MPDZ: variants seen among roughly 807,000 people sequenced by gnomAD.
MPDZ encodes multiple PDZ domain protein.
In MPDZ, 234 loss-of-function variants were observed where a neutral mutation model predicts 239.1. The ratio of observed to expected loss-of-function variants is 0.98; its 90% confidence interval spans 0.88 to 1.09. MPDZ has a LOEUF of 1.09. Among genes scored for constraint, MPDZ ranks in the 50% least tolerant of loss-of-function variants. MPDZ has a pLI of 0.00. For synonymous variants in MPDZ, 1,048 were observed against 881.3 expected (o/e 1.19, Z -3.35); for missense variants, 3,175 against 2,510.0 (o/e 1.26, Z -5.66).
intron 21 of MPDZ, among the ~76,000 whole-genome samples, chr9:13,172,074 C>T (rs756603535): frequency 2.6e-5 from 4 of 152,258 alleles, no homozygotes; most frequent in South Asian, 2.1e-4. Context: ...GATTCCTTTA[C>T]ATTTAGTTAT....
In MPDZ at chr9:13,113,022, CG is replaced by C; in HGVS notation, c.5589del (p.Glu1864LysfsTer2). On this transcript the variant is annotated frameshift_variant, in exon 42 of 47. Coordinates refer to ENST00000319217, the MANE Select transcript of MPDZ (RefSeq NM_001378778.1). LOFTEE classifies it high-confidence loss of function. ...LASEIQGLRTVEMKKGPTDSL... is the reference protein window; with the variant it reads ...LASEIQGLRTXEMKKGPTDSL... ...TCTCCCCAAGTTACCTTTTTCATTT[CG>C]ACTGTTCTTAATCCCTGTATTTCAG... is the stretch of plus-strand genomic sequence containing the variant. The C allele has an allele frequency of 6.3e-7, 1 of 1,585,406 alleles. No individual in the cohort carries two copies. Among genetic ancestry groups the C allele is most frequent in the Non-Finnish European group, 8.6e-7 (1 of 1,163,610 alleles).
chr9:13,164,145 TC>T (rs1950783898), intron 22 of MPDZ, among the ~76,000 whole-genome samples: 1 of 152,204 alleles, frequency 6.6e-6, no homozygotes, highest in Admixed American at 6.6e-5. Flanking sequence ...ACATGGGGCC[TC>T]TGGGAATCTC....
chr9:13,207,139 C>G (rs1234512559), intron 10 of MPDZ, among the ~76,000 whole-genome samples: 2 of 151,770 alleles, frequency 1.3e-5, no homozygotes, highest in African/African-American at 4.8e-5. Context: ...TATGGCCTTT[C>G]AAAAAAGAAA....
At chr9:13,224,219 C>T (rs531241379) in intron 4 of MPDZ, among the ~76,000 whole-genome samples, 155 bp downstream of exon 4, 1 of 151,960 alleles carries the variant, frequency 6.6e-6, no homozygotes, top group East Asian at 1.9e-4. Flanking sequence ...TAATAGAAAA[C>T]GTCTGAACCA....
intron 31 of MPDZ, chr9:13,134,875 C>T (rs1254915880): frequency 3.3e-5 from 5 of 152,350 alleles, no homozygotes; most frequent in Non-Finnish European, 7.3e-5. Context: ...TTCTCCGCTG[C>T]TCTGCCACAT....
At position 13,224,469 on chromosome 9, in the gene MPDZ, C is replaced by T. The variant is rs1270799151; in HGVS notation, c.298G>A (p.Gly100Arg). ...GGTCCTGTAAGTGCTTCCAGATTCC[C>T]ATTGTTTGGGGATAATAAAAACGAT... ...NESFLLSPNN[G>R]NLEALTGPGI... The change falls in exon 4 of 47, where the codon GGG becomes AGG. Residue 100 changes from glycine to arginine, a missense_variant. Physicochemically the swap from Gly to Arg is moderately radical, Grantham distance 125. Coordinates refer to ENST00000319217, the MANE Select transcript of MPDZ (RefSeq NM_001378778.1). 6.2e-7 allele frequency: 1 copy of T among 1,612,874 alleles called. No individual in the cohort carries two copies. The highest frequency in any genetic ancestry group is 2.2e-5 in the East Asian group (1 of 44,800).
chr9:13,170,473 G>A (rs1027873506), intron 21 of MPDZ, among the ~76,000 whole-genome samples: 11 of 152,086 alleles, frequency 7.2e-5, no homozygotes, highest in Admixed American at 2.6e-4. Context: ...ATAAGATACC[G>A]TTTCGGGTGA....
intron 1 of MPDZ, among the ~76,000 whole-genome samples, chr9:13,268,895 GTACAGGGAT>G (rs1306522982): frequency 5.9e-5 from 9 of 152,134 alleles, no homozygotes; most frequent in Non-Finnish European, 2.9e-5. Flanking sequence ...AGTTTGGAGG[GTACAGGGAT>G]TACAGGGATA....
Position 13,221,494 on chromosome 9 carries a change from A to G in MPDZ, c.754T>C (p.Trp252Arg). Reference sequence around the variant, plus strand: ...AATTCAATCGTTTCCATGTGTTGCCAGTGAACCTACAAACAAAGCTCATAT... The same window carrying G: ...AATTCAATCGTTTCCATGTGTTGCCGGTGAACCTACAAACAAAGCTCATAT... ...TISAHSNPVH[W>R]QHMETIELVN... The change falls in exon 7 of 47, where the codon TGG becomes CGG. Residue 252 changes from tryptophan (W) to arginine (R), a missense_variant. Physicochemically the swap from Trp to Arg is moderately radical, Grantham distance 101. Transcript: ENST00000319217. 3.7e-6 allele frequency: 6 copies of G among 1,610,208 alleles called. No individual in the cohort carries two copies. The highest frequency in any genetic ancestry group is 4.2e-6 in the Non-Finnish European group (5 of 1,177,722).
At chr9:13,267,622 T>A (rs1972062679) in intron 1 of MPDZ, among the ~76,000 whole-genome samples, 1 of 152,178 alleles carries the variant, frequency 6.6e-6, no homozygotes. Context: ...TTATTCAAAG[T>A]AATGACACTT....
chr9:13,172,084 T>C (rs1371858915), intron 21 of MPDZ, among the ~76,000 whole-genome samples: 1 of 152,184 alleles, frequency 6.6e-6, no homozygotes, highest in Non-Finnish European at 1.5e-5. Context: ...CATTTAGTTA[T>C]TCGAAGTGCT....
intron 26 of MPDZ, among the ~76,000 whole-genome samples, chr9:13,146,980 A>C (rs1587235931): frequency 6.6e-6 from 1 of 152,168 alleles, no homozygotes; most frequent in East Asian, 1.9e-4. Flanking sequence ...CAACAGCTAT[A>C]CAGTGATGAA....
chr9:13,133,829 G>A lies in MPDZ; in HGVS notation c.4459C>T (p.Pro1487Ser). ...SFKNVQHLEL[P>S]KDQGGLGIAI... Reference sequence around the variant, plus strand: ...CCAATTCAAAGCAGATTTACCTTGGGAAGCTCCAGATGTTGCACATTTTTA... The same window carrying A: ...CCAATTCAAAGCAGATTTACCTTGGAAAGCTCCAGATGTTGCACATTTTTA... The change falls in exon 32 of 47, where the codon CCC becomes TCC. Residue 1487 changes from proline (P) to serine (S), a missense_variant. Coordinates refer to ENST00000319217, the MANE Select transcript of MPDZ (RefSeq NM_001378778.1). 1 of 1,594,952 alleles carries A rather than the reference G, an allele frequency of 6.3e-7. No individual in the cohort carries two copies. The highest frequency in any genetic ancestry group is 1.3e-5 in the African/African-American group (1 of 74,442).
intron 21 of MPDZ, among the ~76,000 whole-genome samples, chr9:13,174,718 G>C (rs1396434601): frequency 6.6e-6 from 1 of 152,100 alleles, no homozygotes; most frequent in Non-Finnish European, 1.5e-5. Flanking sequence ...CATAATTAAT[G>C]AGTTATGCAA....
intron 10 of MPDZ, among the ~76,000 whole-genome samples, chr9:13,214,486 A>G (rs1349121976): frequency 6.6e-6 from 1 of 151,964 alleles, no homozygotes; most frequent in East Asian, 1.9e-4. Flanking sequence ...ATGTTCTAGA[A>G]TTCACCATGG....
chr9:13,248,963 T>G, intron 2 of MPDZ, among the ~76,000 whole-genome samples: 1 of 70,684 alleles, frequency 1.4e-5, no homozygotes, highest in African/African-American at 4.5e-5. Context: ...ACAGAGTGAG[T>G]GAGACTCCAT....
At chr9:13,176,930 G>A (rs1022304425) in intron 19 of MPDZ, among the ~76,000 whole-genome samples, 1 of 152,064 alleles carries the variant, frequency 6.6e-6, no homozygotes, top group Non-Finnish European at 1.5e-5. Context: ...GAGAAGAATA[G>A]AAAGTTTTAC....
chr9:13,272,147 A>G (rs888448490), intron 1 of MPDZ, among the ~76,000 whole-genome samples: 2 of 152,118 alleles, frequency 1.3e-5, no homozygotes, highest in African/African-American at 4.8e-5. Flanking sequence ...TATGACTTAT[A>G]CCACAATAAA....
At chr9:13,225,398 TCAAC>T (rs1347153528) in intron 3 of MPDZ, among the ~76,000 whole-genome samples, 3 of 151,788 alleles carry the variant, frequency 2.0e-5, no homozygotes, top group African/African-American at 7.3e-5. Context: ...TACCAATAAC[TCAAC>T]CATTATATTG....
Sources: gnomAD v4.1 joint callset for allele counts (sites outside exome capture counted in the v4.1 genomes callset) on GRCh38, gnomAD v4.1.1 for gene constraint, MANE v1.5 for transcripts, NCBI Gene and HGNC (gene_info 2026-07-23, HGNC 2026-07-21) for gene names.